Variants in PITPNC1 observed in about 807,000 individuals in gnomAD.
PITPNC1 encodes cytoplasmic phosphatidylinositol transfer protein 1.
In PITPNC1, 18 loss-of-function variants were observed where a neutral mutation model predicts 44.7. That is an observed-to-expected ratio of 0.40 (90% CI 0.28 to 0.60). The LOEUF (loss-of-function observed/expected upper bound fraction) is 0.60. PITPNC1 is among the 20% of genes least tolerant of loss of function. The probability of loss-of-function intolerance (pLI) is 0.39; values close to 1 mark genes in which losing one functional copy is unlikely to be tolerated. For synonymous variants in PITPNC1, 141 were observed against 149.6 expected, an observed-to-expected ratio of 0.94 and a Z score of 0.42; for missense variants, 290 against 418.4, an observed-to-expected ratio of 0.69 and a Z score of 2.68.
intron 2 of PITPNC1, among the ~76,000 whole-genome samples, chr17:67,537,194 A>G (rs111588319): frequency 6.6e-6 from 1 of 152,348 alleles, no homozygotes; most frequent in African/African-American, 2.4e-5. Context: ...TGTTATTACC[A>G]TGTCTATCCA....
intron 6 of PITPNC1, among the ~76,000 whole-genome samples, chr17:67,660,005 C>G (rs906869364): frequency 5.9e-5 from 9 of 152,148 alleles, no homozygotes; most frequent in African/African-American, 2.2e-4. Flanking sequence ...CTCAGCCTCC[C>G]AAGTAGCTGG....
Position 67,480,626 on chromosome 17 carries a change from A to G in PITPNC1, c.49-52176A>G, listed in dbSNP as rs149946170. On this transcript the variant is annotated intron_variant, in intron 1 of 8. Coordinates refer to ENST00000581322, the MANE Select transcript of PITPNC1 (RefSeq NM_012417.4). ...ATAAACCGATATGGCTTATTTCTGT[A>G]GGAAAATACATGTATGTATTTTTTT... 8.3e-3 allele frequency among the ~76,000 whole-genome samples: 1,263 copies of G among 152,316 alleles called. 69 individuals are homozygous for G. Among genetic ancestry groups the G allele is most frequent in the Admixed American group, 0.077 (1,176 of 15,292 alleles).
intron 1 of PITPNC1, among the ~76,000 whole-genome samples, chr17:67,518,002 A>C (rs1323081097): frequency 6.6e-6 from 1 of 152,240 alleles, no homozygotes; most frequent in Admixed American, 6.5e-5. Flanking sequence ...TTGATCTGCA[A>C]GGAAAACATG....
chr17:67,509,950 G>A (rs188125930), intron 1 of PITPNC1, among the ~76,000 whole-genome samples: 8 of 152,280 alleles, frequency 5.3e-5, no homozygotes, highest in Admixed American at 5.2e-4. Flanking sequence ...GAACACAGCC[G>A]GCTCAAATCG....
At chr17:67,430,698 C>T (rs1046978794) in intron 1 of PITPNC1, among the ~76,000 whole-genome samples, 5 of 143,366 alleles carry the variant, frequency 3.5e-5, no homozygotes, top group Admixed American at 1.4e-4. Flanking sequence ...GCACACCTGT[C>T]GTCCCAGCTA....
At chr17:67,621,199 T>TTATTTTATTTTATTTTATTC (rs2041825097) in intron 5 of PITPNC1, among the ~76,000 whole-genome samples, 4 of 148,928 alleles carry the variant, frequency 2.7e-5, no homozygotes, top group African/African-American at 9.9e-5. Flanking sequence ...TTATTTTATT[T>TTATTTTATTTTATTTTATTC]TATTTTATTT....
At chr17:67,629,238 CTGTGTG>C (rs71139164) in intron 5 of PITPNC1, among the ~76,000 whole-genome samples, 4 of 131,324 alleles carry the variant, frequency 3.0e-5, no homozygotes, top group East Asian at 2.3e-4. Flanking sequence ...CTGGGGTATT[CTGTGTG>C]TGTGTGTGTG....
chr17:67,571,306 C>A (rs2041053893), intron 4 of PITPNC1, among the ~76,000 whole-genome samples: 1 of 152,148 alleles, frequency 6.6e-6, no homozygotes, highest in Admixed American at 6.5e-5. Context: ...GTGGTGCATG[C>A]CTGTGATCCC....
At chr17:67,444,259 C>T (rs2039061406) in intron 1 of PITPNC1, among the ~76,000 whole-genome samples, 1 of 151,952 alleles carries the variant, frequency 6.6e-6, no homozygotes, top group East Asian at 1.9e-4. Flanking sequence ...CACCATGAAC[C>T]TGGTGGAAAG....
In PITPNC1 at chr17:67,522,657, A is replaced by ATTTTTTTTTTTTTTTTTTTTTTTTT. The variant is rs1219049449; in HGVS notation, c.49-10144_49-10143insTTTTTTTTTTTTTTTTTTTTTTTTT. Among the ~76,000 whole-genome samples, 43 of 59,920 alleles carry ATTTTTTTTTTTTTTTTTTTTTTTTT rather than the reference A, an allele frequency of 7.2e-4. 2 individuals are homozygous for ATTTTTTTTTTTTTTTTTTTTTTTTT. The highest frequency in any genetic ancestry group is 3.5e-3 in the African/African-American group (35 of 9,974). 39.3% of individuals were successfully genotyped at this position (59,920 alleles called of 152,430 possible). On this transcript the variant is annotated intron_variant, in intron 1 of 8. Transcript: ENST00000581322. ...ACATATCATAAAATTTACCATTTTAATCTTTTTTTTTTTTTTGGAAAATGA... is the reference window on the plus strand; with the variant it reads ...ACATATCATAAAATTTACCATTTTAATTTTTTTTTTTTTTTTTTTTTTTTTTCTTTTTTTTTTTTTTGGAAAATGA...
chr17:67,550,653 G>A (rs976954169), intron 2 of PITPNC1, among the ~76,000 whole-genome samples: 2 of 151,976 alleles, frequency 1.3e-5, no homozygotes, highest in Admixed American at 6.6e-5. Flanking sequence ...TCCTGGATCC[G>A]ATCGACTGCT....
intron 1 of PITPNC1, among the ~76,000 whole-genome samples, chr17:67,494,185 T>TTTCTTTCTTTC (rs2039904517): frequency 2.9e-5 from 3 of 102,428 alleles, no homozygotes; most frequent in African/African-American, 1.1e-4. Context: ...CTTTCTTTCT[T>TTTCTTTCTTTC]TTTCTTTCTT....
chr17:67,583,115 A>C (rs576734352), intron 5 of PITPNC1, among the ~76,000 whole-genome samples: 1 of 152,330 alleles, frequency 6.6e-6, no homozygotes. Flanking sequence ...TAAACCAGCC[A>C]ATAAGCATGA....
At chr17:67,643,094 G>A (rs569122778) in intron 6 of PITPNC1, among the ~76,000 whole-genome samples, 1 of 152,292 alleles carries the variant, frequency 6.6e-6, no homozygotes, top group South Asian at 2.1e-4. Context: ...GTGGGTCATT[G>A]AATCAATAGA....
At chr17:67,614,100 A>G (rs2041726794) in intron 5 of PITPNC1, among the ~76,000 whole-genome samples, 2 of 151,908 alleles carry the variant, frequency 1.3e-5, no homozygotes, top group Admixed American at 1.3e-4. Flanking sequence ...AAAAAAGAAA[A>G]GAAAAGAAAA....
chr17:67,623,453 C>T (rs1598899607), intron 5 of PITPNC1, among the ~76,000 whole-genome samples: 1 of 152,270 alleles, frequency 6.6e-6, no homozygotes, highest in East Asian at 1.9e-4. Context: ...GATCTTGGCT[C>T]ACTGCAATCT....
At chr17:67,549,713 G>A (rs2040732589) in intron 2 of PITPNC1, among the ~76,000 whole-genome samples, 1 of 152,148 alleles carries the variant, frequency 6.6e-6, no homozygotes. Flanking sequence ...CTACTACTAT[G>A]CATGAGGATT....
At chr17:67,467,054 ATT>A (rs10623552) in intron 1 of PITPNC1, among the ~76,000 whole-genome samples, 5 of 95,350 alleles carry the variant, frequency 5.2e-5, no homozygotes, top group African/African-American at 1.6e-4. Flanking sequence ...CAGTTAGGAG[ATT>A]TTTTTTTTTT....
At chr17:67,646,054 G>A (rs1248019319) in intron 6 of PITPNC1, among the ~76,000 whole-genome samples, 1 of 152,186 alleles carries the variant, frequency 6.6e-6, no homozygotes, top group African/African-American at 2.4e-5. Context: ...GAACCTGGGA[G>A]GTGGATGTTG....
Sources: allele counts gnomAD v4.1 joint callset (sites outside exome capture counted in the v4.1 genomes callset), GRCh38; gene constraint gnomAD v4.1.1; transcripts MANE v1.5; gene names NCBI Gene and HGNC (gene_info 2026-07-23, HGNC 2026-07-21).